Variants in PRKG1 observed in about 807,000 individuals in gnomAD.
PRKG1 encodes the protein cGMP-dependent protein kinase 1.
A neutral mutation model predicts 88.1 loss-of-function variants in PRKG1; 35 were observed. The observed-to-expected ratio is 0.40, with a 90% CI of 0.30 to 0.53. The LOEUF (loss-of-function observed/expected upper bound fraction) is 0.53, where lower values mean the gene tolerates loss of function less well. PRKG1 is among the 20% of genes least tolerant of loss of function. The pLI is 0.59. For synonymous variants in PRKG1, 303 were observed against 292.5 expected, an observed-to-expected ratio of 1.04 and a Z score of -0.37; for missense variants, 540 against 839.8, an observed-to-expected ratio of 0.64 and a Z score of 4.41.
At chr10:51,399,662 C>A (rs1023307253) in intron 2 of PRKG1, among the ~76,000 whole-genome samples, 4 of 152,126 alleles carry the variant, frequency 2.6e-5, no homozygotes, top group Non-Finnish European at 5.9e-5. Context: ...AGGCATGACC[C>A]CTGTGACCTA....
intron 7 of PRKG1, among the ~76,000 whole-genome samples, chr10:52,108,182 T>C (rs1847470232): frequency 6.6e-6 from 1 of 152,204 alleles, no homozygotes; most frequent in South Asian, 2.1e-4. Context: ...GTTTTTCTGA[T>C]CCCATATATG....
At chr10:52,095,939 T>C (rs1847161469) in intron 7 of PRKG1, among the ~76,000 whole-genome samples, 1 of 152,086 alleles carries the variant, frequency 6.6e-6, no homozygotes, top group Non-Finnish European at 1.5e-5. Context: ...TAGCTGTGAG[T>C]GGTTGAAGTA....
intron 3 of PRKG1, among the ~76,000 whole-genome samples, chr10:51,771,549 T>G (rs778637112): frequency 6.6e-6 from 1 of 152,178 alleles, no homozygotes; most frequent in Non-Finnish European, 1.5e-5. Context: ...CCCTTTTGAG[T>G]GTCTTTTGCT....
chr10:51,541,493 A>C (rs1468912026), intron 3 of PRKG1, among the ~76,000 whole-genome samples: 1 of 152,176 alleles, frequency 6.6e-6, no homozygotes, highest in African/African-American at 2.4e-5. Context: ...TATTCTTTTG[A>C]GCTTTCTTAC....
At chr10:51,649,118 G>A (rs901145796) in intron 3 of PRKG1, among the ~76,000 whole-genome samples, 8 of 152,058 alleles carry the variant, frequency 5.3e-5, no homozygotes, top group Admixed American at 4.6e-4. Context: ...CGTTTTTGGC[G>A]CTACATTTTT....
chr10:51,947,137 C>T (rs1187708774), intron 5 of PRKG1, among the ~76,000 whole-genome samples: 4 of 151,970 alleles, frequency 2.6e-5, no homozygotes, highest in Non-Finnish European at 5.9e-5. Flanking sequence ...TTCCCAGCTG[C>T]TTTGTTTACC....
intron 9 of PRKG1, among the ~76,000 whole-genome samples, chr10:52,170,816 C>T (rs1838648552): frequency 6.6e-6 from 1 of 152,226 alleles, no homozygotes; most frequent in Admixed American, 6.5e-5. Flanking sequence ...TCTCTCATTA[C>T]ATTTCATTAG....
intron 3 of PRKG1, among the ~76,000 whole-genome samples, chr10:51,674,487 A>G (rs1388610563): frequency 6.6e-6 from 1 of 152,162 alleles, no homozygotes; most frequent in Non-Finnish European, 1.5e-5. Context: ...AAATTTTCAT[A>G]TCGTATTAAA....
At chr10:51,074,134 AC>A (rs2132802483), upstream of PRKG1, among the ~76,000 whole-genome samples, 1 of 59,372 alleles carries the variant, frequency 1.7e-5, no homozygotes, top group East Asian at 4.7e-4. Context: ...CCACCCGCAC[AC>A]CCCCGGCGCG....
intron 3 of PRKG1, among the ~76,000 whole-genome samples, chr10:51,495,734 T>C (rs555638476): frequency 1.6e-4 from 25 of 152,324 alleles, no homozygotes; most frequent in African/African-American, 6.0e-4. Context: ...TTGGCAACGT[T>C]GTAAATGTGT....
chr10:52,032,503 G>A (rs933028708), intron 5 of PRKG1, among the ~76,000 whole-genome samples: 1 of 152,106 alleles, frequency 6.6e-6, no homozygotes, highest in African/African-American at 2.4e-5. Context: ...TGTCTAGCAT[G>A]TGATAAATGT....
chr10:52,193,625 A>C (rs556864926), intron 9 of PRKG1, among the ~76,000 whole-genome samples: 4 of 151,836 alleles, frequency 2.6e-5, no homozygotes, highest in Non-Finnish European at 5.9e-5. Flanking sequence ...ATTTTTATTA[A>C]CTAGGATCTT....
chr10:51,454,608 G>C (rs986534594), intron 2 of PRKG1, among the ~76,000 whole-genome samples: 1 of 152,158 alleles, frequency 6.6e-6, no homozygotes, highest in Non-Finnish European at 1.5e-5. Context: ...GGCTGGGGAG[G>C]CCTCATAATC....
chr10:52,214,950 T>C (rs928600067), intron 9 of PRKG1, among the ~76,000 whole-genome samples: 1 of 151,972 alleles, frequency 6.6e-6, no homozygotes. Context: ...GTCACGGTTA[T>C]TTATTATGTA....
intron 2 of PRKG1, among the ~76,000 whole-genome samples, chr10:51,413,698 G>A (rs293239): frequency 0.033 from 4,992 of 152,222 alleles, 252 homozygotes; most frequent in African/African-American, 0.11. Flanking sequence ...CATTATCCTA[G>A]ACTTGTGTTG....
chr10:51,847,819 T>G (rs1358974988), intron 4 of PRKG1, among the ~76,000 whole-genome samples: 3 of 68,224 alleles, frequency 4.4e-5, no homozygotes, highest in African/African-American at 1.6e-4. Flanking sequence ...CTGGGCAACA[T>G]AGAGAGACTC....
At chr10:51,910,088 T>C (rs1451892995) in intron 5 of PRKG1, 2 of 152,216 alleles carry the variant, frequency 1.3e-5, no homozygotes, top group African/African-American at 4.8e-5. Context: ...AAAGCAAGTA[T>C]GATTGCTAGG....
intron 1 of PRKG1, among the ~76,000 whole-genome samples, chr10:50,998,744 T>C (rs7101068): frequency 0.87 from 132,741 of 151,992 alleles, 58,063 homozygotes; most frequent in East Asian, 0.94. Flanking sequence ...TGACAGAGAC[T>C]CCATCTCAAA....
chr10:51,927,477 A>G (rs1842603724), intron 5 of PRKG1, among the ~76,000 whole-genome samples: 1 of 152,162 alleles, frequency 6.6e-6, no homozygotes, highest in Non-Finnish European at 1.5e-5. Context: ...GACTAATACA[A>G]TAGGGAAGGA....
Sources: allele counts gnomAD v4.1 joint callset (sites outside exome capture counted in the v4.1 genomes callset), GRCh38; gene constraint gnomAD v4.1.1; transcripts MANE v1.5; gene names NCBI Gene and HGNC (gene_info 2026-07-23, HGNC 2026-07-21).